Variants in MBP observed in about 807,000 individuals in gnomAD.
MBP encodes the protein myelin basic protein.
MBP carries 16 observed loss-of-function variants against 35.8 expected under a neutral mutation model. That is an observed-to-expected ratio of 0.45 (90% confidence interval 0.30 to 0.68). The LOEUF is 0.68. MBP is among the 30% of genes least tolerant of loss of function. The pLI is 0.08. For missense variants in MBP, 380 were observed against 404.7 expected (o/e 0.94, Z 0.52); for synonymous variants, 143 against 159.6 (o/e 0.90, Z 0.78).
At position 77,045,303 on chromosome 18, in the gene MBP, G is replaced by A. The variant is rs12605476; in HGVS notation, c.139+20995C>T. Reference sequence around the variant, plus strand: ...TGACCTGCTGCCGGCAGCACCTGCCGGCATCAGGTCAGGGTCTCTGGAGCC... The same window carrying A: ...TGACCTGCTGCCGGCAGCACCTGCCAGCATCAGGTCAGGGTCTCTGGAGCC... On this transcript the variant is annotated intron_variant, in intron 3 of 8. Coordinates refer to ENST00000355994, the MANE Select transcript of MBP (RefSeq NM_001025101.2). Among the ~76,000 whole-genome samples the A allele has an allele frequency of 9.2e-3, 1,402 of 151,978 alleles. 43 individuals carry two copies. In the East Asian group the frequency reaches 0.1, roughly 11 times the overall value.
chr18:77,074,894 T>C (rs764921207), intron 2 of MBP, among the ~76,000 whole-genome samples: 6 of 152,192 alleles, frequency 3.9e-5, no homozygotes, highest in African/African-American at 1.4e-4. Context: ...AGCAACTAAA[T>C]AGAAAATTAC....
chr18:77,080,355 G>C (rs1007483844), intron 2 of MBP, among the ~76,000 whole-genome samples: 9 of 152,262 alleles, frequency 5.9e-5, no homozygotes, highest in Non-Finnish European at 1.0e-4. Context: ...TAAGGCTTGA[G>C]GGCAGCCCGG....
At chr18:77,002,240 G>T (rs1369161867) in intron 4 of MBP, among the ~76,000 whole-genome samples, 2 of 152,146 alleles carry the variant, frequency 1.3e-5, no homozygotes, top group Admixed American at 6.5e-5. Context: ...TCTCCACCTG[G>T]GCCTCCCATT....
intron 1 of MBP, chr18:77,110,390 C>T (rs899081561): frequency 6.6e-6 from 1 of 152,162 alleles, no homozygotes; most frequent in Non-Finnish European, 1.5e-5. Flanking sequence ...CTTTCAGAAG[C>T]ACTACAGGTG....
At chr18:77,009,703 C>T (rs935342435) in intron 4 of MBP, 1 of 704,426 alleles carries the variant, frequency 1.4e-6, no homozygotes, top group Non-Finnish European at 2.4e-6. Flanking sequence ...GCCTGCCTCC[C>T]TGCTTTCACG....
At position 76,988,728 on chromosome 18, in the gene MBP, C is replaced by T. The variant is rs1969716008; in HGVS notation, c.717+149G>A. ...GGACAGGAGGGGTGCATGGATCTGCCGACCTGTTCTACTTGGGAGCTGCCT... is the reference window on the plus strand; with the variant it reads ...GGACAGGAGGGGTGCATGGATCTGCTGACCTGTTCTACTTGGGAGCTGCCT... On this transcript the variant is annotated intron_variant, in intron 6 of 8. Coordinates refer to ENST00000355994, the MANE Select transcript of MBP (RefSeq NM_001025101.2). The surrounding 1 kb of genome is among the most constrained non-coding windows in gnomAD (Gnocchi z 5.2). The T allele has an allele frequency of 7.6e-7, 1 of 1,315,622 alleles. No homozygotes were observed. Among genetic ancestry groups the T allele is most frequent in the Non-Finnish European group, 1.1e-6 (1 of 950,008 alleles). The allele number at this position is 1,315,622 out of a possible 1,614,324, so 81.5% of individuals were successfully genotyped here.
chr18:77,015,666 G>A (rs1971585377), intron 4 of MBP: 1 of 985,294 alleles, frequency 1.0e-6, no homozygotes, highest in Non-Finnish European at 1.2e-6. Context: ...AAACTTCGAT[G>A]TGCTTTCACG....
At chr18:77,120,715 C>T (rs939756911) in intron 1 of MBP, among the ~76,000 whole-genome samples, 1 of 152,152 alleles carries the variant, frequency 6.6e-6, no homozygotes, top group Admixed American at 6.5e-5. Flanking sequence ...CGGAAAACCA[C>T]GTTACCGACC....
At chr18:76,985,334 G>C in intron 7 of MBP, 1 of 1,290,302 alleles carries the variant, frequency 7.8e-7, no homozygotes, top group Non-Finnish European at 1.0e-6. Flanking sequence ...GCCGGTCCCC[G>C]GAGGCCCCGG....
At chr18:77,013,627 T>C in intron 4 of MBP, 1 of 985,408 alleles carries the variant, frequency 1.0e-6, no homozygotes, top group Non-Finnish European at 1.2e-6. Flanking sequence ...TACTGAATGC[T>C]GAATAGAAGA....
intron 1 of MBP, chr18:77,113,865 C>T (rs1183299809): frequency 2.6e-5 from 4 of 152,214 alleles, no homozygotes; most frequent in African/African-American, 4.8e-5. Flanking sequence ...ACCTGCAAGC[C>T]GGGAATTCTC....
chr18:77,071,723 G>A (rs1974459105), intron 2 of MBP, among the ~76,000 whole-genome samples: 1 of 152,084 alleles, frequency 6.6e-6, no homozygotes, highest in African/African-American at 2.4e-5. Flanking sequence ...CCCTGCTCAG[G>A]AGCTGAGCAT....
chr18:77,116,876 A>C lies in MBP; in HGVS notation c.-25-11590T>G, dbSNP rs1263447035. ...AGTGAGACTCTGTCTCAAAAAAAAAACAAAACAAACAAAGAAAGCAAGCCC... is the reference window on the plus strand; with the variant it reads ...AGTGAGACTCTGTCTCAAAAAAAAACCAAAACAAACAAAGAAAGCAAGCCC... On this transcript the variant is annotated intron_variant, in intron 1 of 8. Transcript: ENST00000355994. Among the ~76,000 whole-genome samples, 4 of 151,732 alleles carry C rather than the reference A, an allele frequency of 2.6e-5. No homozygotes were observed. In the East Asian group the frequency reaches 5.8e-4, roughly 22 times the overall value.
intron 2 of MBP, among the ~76,000 whole-genome samples, chr18:77,089,514 G>A (rs1975415871): frequency 6.6e-6 from 1 of 152,238 alleles, no homozygotes; most frequent in South Asian, 2.1e-4. Context: ...GAAGCCCTGA[G>A]GGGCAGCAGG....
chr18:77,010,080 GAGA>G (rs1332220551), intron 4 of MBP: 9 of 627,068 alleles, frequency 1.4e-5, no homozygotes, highest in Non-Finnish European at 2.0e-5. Context: ...ACGACAGGGA[GAGA>G]AGAAGGCATG....
At chr18:76,981,983 T>C (rs779175645) in intron 8 of MBP, 3 of 152,256 alleles carry the variant, frequency 2.0e-5, no homozygotes, top group Non-Finnish European at 4.4e-5. Context: ...CAAGGTAACC[T>C]ACCGAGGTAC....
At chr18:77,073,765 C>A (rs1423733038) in intron 2 of MBP, among the ~76,000 whole-genome samples, 1 of 152,042 alleles carries the variant, frequency 6.6e-6, no homozygotes, top group Non-Finnish European at 1.5e-5. Context: ...CTCCCAGCAA[C>A]TGGTTATGTA....
chr18:77,009,961 G>T, intron 4 of MBP: 1 of 1,473,340 alleles, frequency 6.8e-7, no homozygotes, highest in Non-Finnish European at 9.3e-7. Flanking sequence ...GCGTGAGTCC[G>T]GGTGGGCGCC....
intron 2 of MBP, among the ~76,000 whole-genome samples, chr18:77,085,687 T>TC (rs950469801): frequency 6.7e-6 from 1 of 149,230 alleles, no homozygotes; most frequent in East Asian, 2.0e-4. Context: ...CAATAAGTTT[T>TC]TTTTTTTTTT....
Sources: gnomAD v4.1 joint callset for allele counts (sites outside exome capture counted in the v4.1 genomes callset) on GRCh38, gnomAD v4.1.1 for gene constraint, Gnocchi (gnomAD v3.1) non-coding constraint, MANE v1.5 for transcripts, NCBI Gene and HGNC (gene_info 2026-07-23, HGNC 2026-07-21) for gene names.